TICAM2: variants seen among roughly 807,000 people sequenced by gnomAD.
TICAM2 encodes the protein TIR domain-containing adapter molecule 2.
TICAM2 carries 8 observed loss-of-function variants against 7.3 expected under a neutral mutation model. That is an observed-to-expected ratio of 1.10 (90% CI 0.65 to 1.99). TICAM2 has a LOEUF of 1.99. Ranked by LOEUF, TICAM2 falls within the 30% of genes most tolerant of loss-of-function variation. The pLI is 0.00. For synonymous variants in TICAM2, 113 were observed against 99.6 expected, an observed-to-expected ratio of 1.13 and a Z score of -0.80; for missense variants, 304 against 278.8, an observed-to-expected ratio of 1.09 and a Z score of -0.65.
At chr5:115,594,024 G>C (rs1453959453) in intron 1 of TICAM2, among the ~76,000 whole-genome samples, 4 of 152,098 alleles carry the variant, frequency 2.6e-5, no homozygotes, top group African/African-American at 9.7e-5. Flanking sequence ...TGTGTTCTAT[G>C]TTATTACTAT....
intron 1 of TICAM2, chr5:115,581,848 T>C (rs1256308291): frequency 6.5e-6 from 1 of 153,502 alleles, no homozygotes; most frequent in African/African-American, 2.4e-5. Context: ...AAATGTCAAG[T>C]GAAATGATGT....
chr5:115,596,047 C>A (rs1755498416), intron 1 of TICAM2, among the ~76,000 whole-genome samples: 1 of 152,178 alleles, frequency 6.6e-6, no homozygotes, highest in South Asian at 2.1e-4. Context: ...AAGGCATTAT[C>A]ATTTGTCCTG....
At chr5:115,597,641 A>G (rs941304281) in intron 1 of TICAM2, among the ~76,000 whole-genome samples, 9 of 152,234 alleles carry the variant, frequency 5.9e-5, no homozygotes, top group Non-Finnish European at 1.0e-4. Context: ...CAAAATGCAG[A>G]GAAAATAGAT....
At chr5:115,599,434 T>C (rs541244220) in intron 1 of TICAM2, among the ~76,000 whole-genome samples, 33 of 152,308 alleles carry the variant, frequency 2.2e-4, no homozygotes, top group African/African-American at 7.0e-4. Context: ...TATAAAAACA[T>C]AGAACTTAAA....
At chr5:115,584,489 G>A (rs1464040058) in intron 1 of TICAM2, among the ~76,000 whole-genome samples, 1 of 152,156 alleles carries the variant, frequency 6.6e-6, no homozygotes, top group Non-Finnish European at 1.5e-5. Context: ...GGATAATTCT[G>A]TACAAAAAGC....
At chr5:115,599,200 T>C (rs1023019213) in intron 1 of TICAM2, among the ~76,000 whole-genome samples, 1 of 152,154 alleles carries the variant, frequency 6.6e-6, no homozygotes, top group African/African-American at 2.4e-5. Context: ...CTTCTTCCCA[T>C]AAACTACCTG....
chr5:115,581,409 A>G (rs893229942), intron 1 of TICAM2, 94 bp from the exon 2 acceptor site: 3 of 1,348,068 alleles, frequency 2.2e-6, no homozygotes, highest in African/African-American at 1.5e-5. Flanking sequence ...CAAAAAGATT[A>G]TAATAGACAG....
chr5:115,595,288 G>A (rs1334337180), intron 1 of TICAM2, among the ~76,000 whole-genome samples: 4 of 152,004 alleles, frequency 2.6e-5, no homozygotes, highest in South Asian at 2.1e-4. Context: ...CCTCTCTACC[G>A]ATTACGACGG....
Position 115,582,170 on chromosome 5 carries a change from T to G in TICAM2, c.-59-855A>C, listed in dbSNP as rs1754948826. ...TTTATTCATTTATTTATTTATTTAT[T>G]TTTTGAGACAAGGTCTGGCTCTGTT... On this transcript the variant is annotated intron_variant, in intron 1 of 1. Transcript: ENST00000427199. Among the ~76,000 whole-genome samples, 2 of 152,080 alleles carry G rather than the reference T, an allele frequency of 1.3e-5. 1 individual carries two copies. Among genetic ancestry groups the G allele is most frequent in the South Asian group, 4.1e-4 (2 of 4,830 alleles).
intron 1 of TICAM2, among the ~76,000 whole-genome samples, chr5:115,597,848 T>A (rs1755570228): frequency 6.6e-6 from 1 of 152,232 alleles, no homozygotes; most frequent in Non-Finnish European, 1.5e-5. Context: ...TTGATCCATG[T>A]TTTGTTGGAG....
At position 115,579,639 on chromosome 5, in the gene TICAM2, A is replaced by C. The variant is rs1327322708; in HGVS notation, c.*910T>G. ...CCTTCTATCCAAAGTCTTTATAAAT[A>C]ACCTATCACACACACACATGCACAC... On this transcript the variant is annotated 3_prime_UTR_variant, in exon 2 of 2. Transcript: ENST00000427199. The C allele has an allele frequency of 1.3e-5, 2 of 152,204 alleles. No individual in the cohort carries two copies. Among genetic ancestry groups the C allele is most frequent in the Non-Finnish European group, 2.9e-5 (2 of 68,044 alleles). 9.4% of individuals were successfully genotyped at this position (152,204 alleles called of 1,614,324 possible). A position where few individuals can be genotyped will look rare whatever the true frequency, so the allele number is the denominator to read the frequency against.
At position 115,580,422 on chromosome 5, in the gene TICAM2, G is replaced by T; in HGVS notation, c.*127C>A. On this transcript the variant is annotated 3_prime_UTR_variant, in exon 2 of 2. Transcript: ENST00000427199. ...TCCTGCAGAAATTTATCTTTCTTGT[G>T]CTCCATAGGTTTCTTTAAGGTGAAG... 2 of 1,189,302 alleles carry T rather than the reference G, an allele frequency of 1.7e-6. No individual in the cohort carries two copies. The highest frequency in any genetic ancestry group is 2.2e-6 in the Non-Finnish European group (2 of 911,010). The allele number at this position is 1,189,302 out of a possible 1,614,324, so 73.7% of individuals were successfully genotyped here. A position where few individuals can be genotyped will look rare whatever the true frequency, so the allele number is the denominator to read the frequency against.
chr5:115,588,166 G>T (rs372720338), intron 1 of TICAM2, among the ~76,000 whole-genome samples: 28 of 152,192 alleles, frequency 1.8e-4, no homozygotes, highest in East Asian at 9.6e-4. Context: ...TTCATTAAGA[G>T]AAGATACTTG....
chr5:115,588,259 C>T (rs1755182570), intron 1 of TICAM2, among the ~76,000 whole-genome samples: 1 of 152,112 alleles, frequency 6.6e-6, no homozygotes, highest in African/African-American at 2.4e-5. Context: ...AGGTCTTATC[C>T]TCTTGGGCAC....
intron 1 of TICAM2, among the ~76,000 whole-genome samples, chr5:115,600,515 C>T (rs1199794257): frequency 2.0e-5 from 3 of 151,626 alleles, no homozygotes; most frequent in African/African-American, 4.9e-5. Flanking sequence ...AGCCTGGAGA[C>T]ACAATGAAGC....
chr5:115,597,899 G>A (rs1204677932), intron 1 of TICAM2, among the ~76,000 whole-genome samples: 2 of 152,154 alleles, frequency 1.3e-5, no homozygotes, highest in Non-Finnish European at 2.9e-5. Context: ...ACAAACCCAT[G>A]TTGTTCATGG....
intron 1 of TICAM2, among the ~76,000 whole-genome samples, chr5:115,600,485 CTAAGAT>C (rs1405598441): frequency 1.3e-5 from 2 of 151,878 alleles, no homozygotes; most frequent in Admixed American, 1.3e-4. Context: ...CTGTGGCATA[CTAAGAT>C]TTAGTGGTGG....
At position 115,579,066 on chromosome 5, in the gene TICAM2, A is replaced by T. The variant is rs1754822753; in HGVS notation, c.*1483T>A. The T allele has an allele frequency of 6.6e-6, 1 of 152,640 alleles. No homozygotes were observed. Among genetic ancestry groups the T allele is most frequent in the Non-Finnish European group, 1.5e-5 (1 of 68,036 alleles). 9.5% of individuals were successfully genotyped at this position (152,640 alleles called of 1,614,324 possible). On this transcript the variant is annotated 3_prime_UTR_variant, in exon 2 of 2. Transcript: ENST00000427199. The stretch of plus-strand genomic sequence containing the variant: ...TTAAGCAAAATGTCTTTACTCAAGG[A>T]TCTCTATAAAAATTTATTTTTAAGA...
At chr5:115,589,083 C>T (rs1313019979) in intron 1 of TICAM2, among the ~76,000 whole-genome samples, 2 of 152,224 alleles carry the variant, frequency 1.3e-5, no homozygotes, top group African/African-American at 4.8e-5. Flanking sequence ...CTACCACCTG[C>T]TTCTGTAAAT....
Sources: allele counts gnomAD v4.1 joint callset (sites outside exome capture counted in the v4.1 genomes callset), GRCh38; gene constraint gnomAD v4.1.1; transcripts MANE v1.5; gene names NCBI Gene and HGNC (gene_info 2026-07-23, HGNC 2026-07-21).